ARHGEF11: variants seen among roughly 807,000 people sequenced by gnomAD.
ARHGEF11 encodes Rho guanine exchange factor (GEF) 11.
In ARHGEF11, 55 loss-of-function variants were observed where a neutral mutation model predicts 193.7. The ratio of observed to expected loss-of-function variants is 0.28; its 90% confidence interval spans 0.23 to 0.36. The LOEUF (loss-of-function observed/expected upper bound fraction) is 0.36, where lower values mean the gene tolerates loss of function less well. Among genes scored for constraint, ARHGEF11 ranks in the 10% least tolerant of loss-of-function variants. ARHGEF11 has a pLI of 1.00. For synonymous variants in ARHGEF11, 693 were observed against 768.0 expected (o/e 0.90, Z 1.62); for missense variants, 1,723 against 2,005.6 (o/e 0.86, Z 2.69).
At position 157,030,806 on chromosome 1, in the gene ARHGEF11, AC is replaced by A. The variant is rs200496441; in HGVS notation, c.32+13492del. Among the ~76,000 whole-genome samples the A allele has an allele frequency of 8.0e-3, 1,215 of 152,262 alleles. 14 individuals are homozygous for A. Among genetic ancestry groups the A allele is most frequent in the African/African-American group, 0.028 (1,159 of 41,518 alleles). ...GGAATGAAAATCCTTGCCCTGGACCACCTCAATGAGATAATGGACAAGACAC... is the reference window on the plus strand; with the variant it reads ...GGAATGAAAATCCTTGCCCTGGACCACTCAATGAGATAATGGACAAGACAC... On this transcript the variant is annotated intron_variant, in intron 1 of 40. Coordinates refer to ENST00000368194, the MANE Select transcript of ARHGEF11 (RefSeq NM_198236.3).
At chr1:156,975,642 T>C (rs60425962) in intron 7 of ARHGEF11, among the ~76,000 whole-genome samples, 3,696 of 152,302 alleles carry the variant, frequency 0.024, 145 homozygotes, top group African/African-American at 0.084. Context: ...GTCATGAAGA[T>C]TTACTCCCAC....
intron 14 of ARHGEF11, among the ~76,000 whole-genome samples, chr1:156,961,463 A>G (rs1024103898): frequency 3.3e-5 from 5 of 152,230 alleles, no homozygotes; most frequent in Non-Finnish European, 7.3e-5. Context: ...TTCCAGAGAC[A>G]GGCAATGTGT....
intron 1 of ARHGEF11, among the ~76,000 whole-genome samples, chr1:157,039,223 T>C (rs777516568): frequency 7.9e-5 from 12 of 152,296 alleles, no homozygotes; most frequent in Non-Finnish European, 1.2e-4. Context: ...TGAAAAACCA[T>C]TTGGCCCACT....
Position 156,960,427 on chromosome 1 carries a change from C to T in ARHGEF11, c.1273G>A (p.Ala425Thr). 6.2e-7 allele frequency: 1 copy of T among 1,614,166 alleles called. No individual in the cohort carries two copies. The highest frequency in any genetic ancestry group is 8.5e-7 in the Non-Finnish European group (1 of 1,180,036). Reference protein sequence around the residue: ...LRVKIPEMLQAEIDSRLRNSE... With the variant: ...LRVKIPEMLQTEIDSRLRNSE... ...CAATGAGCCAACTTACCAATTTCAG[C>T]CTGTAGCATCTCAGGGATCTTCACT... Residue 425 changes from alanine to threonine, a missense_variant, in exon 15 of 41, where the codon GCT becomes ACT. This residue lies in a region of ARHGEF11 where 646 missense variants were observed against 710.7 expected (regional missense o/e 0.91). Transcript: ENST00000368194.
intron 5 of ARHGEF11, 111 bp from the exon 6 acceptor site, chr1:156,978,493 G>A (rs1417557769): frequency 1.4e-6 from 2 of 1,410,214 alleles, no homozygotes; most frequent in Non-Finnish European, 1.9e-6. Context: ...TCATTATTCT[G>A]TAGATTAAGT....
At chr1:156,986,764 C>A (rs1664979643) in intron 1 of ARHGEF11, among the ~76,000 whole-genome samples, 1 of 152,172 alleles carries the variant, frequency 6.6e-6, no homozygotes, top group Non-Finnish European at 1.5e-5. Context: ...TAACAGTGAT[C>A]TCCAGGAGGG....
intron 40 of ARHGEF11, 86 bp downstream of exon 40, chr1:156,936,730 T>A: frequency 7.0e-7 from 1 of 1,429,728 alleles, no homozygotes; most frequent in Non-Finnish European, 9.5e-7. Flanking sequence ...AGAACCACCA[T>A]CTCTCACTGC....
intron 21 of ARHGEF11, 105 bp from the exon 22 acceptor site, chr1:156,951,804 G>A: frequency 6.9e-7 from 1 of 1,449,042 alleles, no homozygotes; most frequent in South Asian, 1.2e-5. Context: ...GAGCAAGCGT[G>A]GATGAGAACA....
chr1:157,030,687 A>T (rs1671193617), intron 1 of ARHGEF11, among the ~76,000 whole-genome samples: 1 of 147,164 alleles, frequency 6.8e-6, no homozygotes, highest in Non-Finnish European at 1.5e-5. Context: ...GGCACAGAAT[A>T]AAAAAAAAAA....
intron 1 of ARHGEF11, among the ~76,000 whole-genome samples, chr1:156,991,091 T>C (rs114963784): frequency 0.027 from 4,091 of 152,326 alleles, 72 homozygotes; most frequent in South Asian, 0.054. Flanking sequence ...TTGTCTTCCT[T>C]TTCTCATATT....
chr1:156,951,750 C>T, intron 21 of ARHGEF11, 51 bp from the exon 22 acceptor site: 5 of 1,609,382 alleles, frequency 3.1e-6, no homozygotes, highest in Non-Finnish European at 4.2e-6. Context: ...TCAGGGATGG[C>T]TTCTCAGGCT....
chr1:156,975,964 T>G (rs1663195194), intron 7 of ARHGEF11, among the ~76,000 whole-genome samples: 1 of 152,232 alleles, frequency 6.6e-6, no homozygotes, highest in Non-Finnish European at 1.5e-5. Context: ...TTGATTACTC[T>G]GACATTTGCC....
At chr1:156,977,930 G>T (rs1663495907) in intron 6 of ARHGEF11, among the ~76,000 whole-genome samples, 1 of 152,172 alleles carries the variant, frequency 6.6e-6, no homozygotes, top group South Asian at 2.1e-4. Context: ...CTTTTAGACA[G>T]CATCCTTAGA....
intron 1 of ARHGEF11, among the ~76,000 whole-genome samples, chr1:157,034,244 T>G (rs1176344955): frequency 6.6e-6 from 1 of 152,114 alleles, no homozygotes. Flanking sequence ...AGAACAACAG[T>G]GGCCTTTCTC....
chr1:157,020,678 T>C (rs991167356), intron 1 of ARHGEF11, among the ~76,000 whole-genome samples: 37 of 152,234 alleles, frequency 2.4e-4, no homozygotes, highest in African/African-American at 8.9e-4. Context: ...CAAAGCACAC[T>C]TTCATTTGCC....
chr1:156,940,525 C>G, intron 35 of ARHGEF11, 100 bp from the exon 36 acceptor site: 1 of 1,084,716 alleles, frequency 9.2e-7, no homozygotes, highest in South Asian at 1.8e-5. Context: ...GGAACACTGA[C>G]TTATTCTACA....
chr1:156,946,341 G>C (rs1388702665), intron 28 of ARHGEF11, among the ~76,000 whole-genome samples, 179 bp from the exon 29 acceptor site: 1 of 152,196 alleles, frequency 6.6e-6, no homozygotes, highest in Non-Finnish European at 1.5e-5. Context: ...TGGTGGCAGG[G>C]AGACACCAAT....
At chr1:156,937,208 G>C (rs774110024) in intron 39 of ARHGEF11, 41 bp downstream of exon 39, 5 of 1,611,984 alleles carry the variant, frequency 3.1e-6, no homozygotes, top group Non-Finnish European at 3.4e-6. Context: ...TTGGGGTGAT[G>C]GACTGAAGGC....
chr1:156,999,312 G>A (rs1003601680), intron 1 of ARHGEF11, among the ~76,000 whole-genome samples: 8 of 152,154 alleles, frequency 5.3e-5, no homozygotes, highest in African/African-American at 1.9e-4. Flanking sequence ...AAATAGTAGA[G>A]CCAGGACACA....
Sources: gnomAD v4.1 joint callset for allele counts (sites outside exome capture counted in the v4.1 genomes callset) on GRCh38, gnomAD v4.1.1 for gene constraint, gnomAD v4.1.1 regional missense constraint, MANE v1.5 for transcripts, NCBI Gene and HGNC (gene_info 2026-07-23, HGNC 2026-07-21) for gene names.